CTDSPL: variants seen among roughly 807,000 people sequenced by gnomAD.
CTDSPL encodes the protein CTD small phosphatase like.
In CTDSPL, 8 loss-of-function variants were observed where a neutral mutation model predicts 30.5. The observed-to-expected ratio is 0.26, with a 90% CI of 0.15 to 0.47. The LOEUF is 0.47. Ranked by LOEUF, CTDSPL falls within the 20% of genes least tolerant of loss-of-function variation. The pLI, the probability that CTDSPL is intolerant of heterozygous loss-of-function variation, is 0.99. For synonymous variants in CTDSPL, 110 were observed against 137.9 expected (o/e 0.80, Z 1.42); for missense variants, 248 against 366.1 (o/e 0.68, Z 2.63).
chr3:37,879,512 C>A (rs374395584), intron 1 of CTDSPL, among the ~76,000 whole-genome samples: 29 of 152,362 alleles, frequency 1.9e-4, no homozygotes, highest in African/African-American at 7.0e-4. Flanking sequence ...GCCTCCTATG[C>A]GGGATTCTCC....
At chr3:37,891,082 A>G (rs1698320041) in intron 1 of CTDSPL, among the ~76,000 whole-genome samples, 1 of 152,118 alleles carries the variant, frequency 6.6e-6, no homozygotes, top group Admixed American at 6.5e-5. Context: ...AGGCTCTCCC[A>G]TGCCTACCCT....
At chr3:37,912,039 T>C (rs1698589289) in intron 1 of CTDSPL, among the ~76,000 whole-genome samples, 1 of 152,136 alleles carries the variant, frequency 6.6e-6, no homozygotes, top group African/African-American at 2.4e-5. Context: ...TCCAGCCTGG[T>C]CCTGATACAC....
intron 1 of CTDSPL, among the ~76,000 whole-genome samples, chr3:37,920,975 T>A (rs1698706434): frequency 6.6e-6 from 1 of 152,208 alleles, no homozygotes; most frequent in Non-Finnish European, 1.5e-5. Flanking sequence ...GCCCTTTCTA[T>A]CACCTGTAGG....
At chr3:37,936,880 A>G (rs181350864) in intron 1 of CTDSPL, among the ~76,000 whole-genome samples, 1 of 152,282 alleles carries the variant, frequency 6.6e-6, no homozygotes, top group East Asian at 1.9e-4. Flanking sequence ...TCTGCTATAA[A>G]TACTTGAACA....
intron 5 of CTDSPL, among the ~76,000 whole-genome samples, chr3:37,969,027 C>T (rs1332924296): frequency 6.6e-6 from 1 of 152,184 alleles, no homozygotes; most frequent in Non-Finnish European, 1.5e-5. Context: ...TAAAAGCCAT[C>T]ACAGAGCCAA....
intron 1 of CTDSPL, among the ~76,000 whole-genome samples, chr3:37,929,018 C>T (rs2125614231): frequency 6.6e-6 from 1 of 152,286 alleles, no homozygotes; most frequent in East Asian, 1.9e-4. Flanking sequence ...TTGCCAGCAC[C>T]ATGTCTTGAA....
chr3:37,928,044 C>T (rs1698805755), intron 1 of CTDSPL, among the ~76,000 whole-genome samples: 1 of 152,096 alleles, frequency 6.6e-6, no homozygotes, highest in Non-Finnish European at 1.5e-5. Flanking sequence ...TAATATTCCT[C>T]CATCTATGCT....
At chr3:37,875,084 C>A (rs1217085226) in intron 1 of CTDSPL, among the ~76,000 whole-genome samples, 2 of 152,140 alleles carry the variant, frequency 1.3e-5, no homozygotes, top group Non-Finnish European at 2.9e-5. Flanking sequence ...TGAAATAAAA[C>A]TAAGCAAATA....
chr3:37,957,092 T>G lies in CTDSPL; in HGVS notation c.235-19T>G. ...TTCTCTTCGAACCTGACAATGATTT[T>G]TTTTTTCTTTTTCCTCAGGGTGACC... On this transcript the variant is annotated intron_variant, in intron 2 of 7. Transcript: ENST00000273179. 1 of 1,597,186 alleles carries G rather than the reference T, an allele frequency of 6.3e-7. No homozygotes were observed. The highest frequency in any genetic ancestry group is 8.5e-7 in the Non-Finnish European group (1 of 1,169,638).
intron 1 of CTDSPL, among the ~76,000 whole-genome samples, chr3:37,865,150 A>G (rs1380542181): frequency 6.6e-6 from 1 of 152,244 alleles, no homozygotes; most frequent in Admixed American, 6.5e-5. Context: ...CTGTCACAGA[A>G]TGCTCATATC....
chr3:37,971,648 C>A, intron 6 of CTDSPL, 149 bp downstream of exon 6: 1 of 681,822 alleles, frequency 1.5e-6, no homozygotes, highest in Non-Finnish European at 2.5e-6. Context: ...TGGATGCAGG[C>A]CATGTGCATG....
At chr3:37,921,139 C>T (rs938161682) in intron 1 of CTDSPL, among the ~76,000 whole-genome samples, 3 of 152,224 alleles carry the variant, frequency 2.0e-5, no homozygotes, top group Admixed American at 6.5e-5. Context: ...TCTTATGCAT[C>T]GTTTTATCTT....
intron 1 of CTDSPL, among the ~76,000 whole-genome samples, chr3:37,877,117 A>G (rs1254582196): frequency 6.6e-6 from 1 of 152,118 alleles, no homozygotes; most frequent in Non-Finnish European, 1.5e-5. Flanking sequence ...AAAAAAAAAA[A>G]AAAAAATTGA....
chr3:37,894,320 C>T (rs1258834345), intron 1 of CTDSPL, among the ~76,000 whole-genome samples: 4 of 151,970 alleles, frequency 2.6e-5, no homozygotes, highest in South Asian at 2.1e-4. Context: ...TTGCCCAGGC[C>T]GATCTCAAAC....
chr3:37,955,117 T>C (rs1278517189), intron 2 of CTDSPL: 1 of 152,286 alleles, frequency 6.6e-6, no homozygotes, highest in Non-Finnish European at 1.5e-5. Context: ...AGCTGAAGAC[T>C]GATTGTCACT....
chr3:37,890,187 C>T (rs868432474), intron 1 of CTDSPL, among the ~76,000 whole-genome samples: 3 of 152,258 alleles, frequency 2.0e-5, no homozygotes, highest in South Asian at 2.1e-4. Context: ...GCACACTCAA[C>T]GTATGCGCGC....
At chr3:37,953,779 G>A (rs1052211929) in intron 2 of CTDSPL, among the ~76,000 whole-genome samples, 8 of 152,082 alleles carry the variant, frequency 5.3e-5, no homozygotes, top group African/African-American at 1.7e-4. Context: ...AACTATACAC[G>A]ATAAAAAGCT....
intron 1 of CTDSPL, among the ~76,000 whole-genome samples, chr3:37,879,121 C>T (rs893455527): frequency 4.6e-5 from 7 of 152,164 alleles, no homozygotes; most frequent in African/African-American, 1.7e-4. Flanking sequence ...CTCTAAGTGG[C>T]TTGAGTTCTA....
At chr3:37,932,523 A>C (rs1017623032) in intron 1 of CTDSPL, among the ~76,000 whole-genome samples, 1 of 152,266 alleles carries the variant, frequency 6.6e-6, no homozygotes, top group African/African-American at 2.4e-5. Flanking sequence ...GTATATAAGC[A>C]GAGTTCTCAA....
Sources: gnomAD v4.1 joint callset for allele counts (sites outside exome capture counted in the v4.1 genomes callset) on GRCh38, gnomAD v4.1.1 for gene constraint, MANE v1.5 for transcripts, NCBI Gene and HGNC (gene_info 2026-07-23, HGNC 2026-07-21) for gene names.